Variants in GIT2 observed in about 807,000 individuals in gnomAD.
The protein encoded by GIT2 is ARF GTPase-activating protein GIT2.
GIT2 carries 32 observed loss-of-function variants against 100.3 expected under a neutral mutation model. The observed-to-expected ratio is 0.32, with a 90% confidence interval of 0.24 to 0.43. The LOEUF is 0.43. Among genes scored for constraint, GIT2 ranks in the 20% least tolerant of loss-of-function variants. The pLI is 1.00. For synonymous variants in GIT2, 353 were observed against 364.1 expected, an observed-to-expected ratio of 0.97 and a Z score of 0.35; for missense variants, 737 against 975.1, an observed-to-expected ratio of 0.76 and a Z score of 3.25.
At chr12:109,981,847 AAAGT>A (rs1241018058) in intron 6 of GIT2, 1 of 152,322 alleles carries the variant, frequency 6.6e-6, no homozygotes, top group African/African-American at 2.4e-5. Context: ...TTTGTCCTTA[AAAGT>A]AATGGCAAAA....
At position 109,983,432 on chromosome 12, in the gene GIT2, T is replaced by C. The variant is rs1387489006; in HGVS notation, c.564A>G (p.Val188=). 6.2e-7 allele frequency: 1 copy of C among 1,613,502 alleles called. No homozygotes were observed. The highest frequency in any genetic ancestry group is 1.1e-5 in the South Asian group (1 of 91,078). Residue 188 remains valine (V), a synonymous_variant, in exon 6 of 20, where the codon GTA becomes GTG. Coordinates refer to ENST00000355312, the MANE Select transcript of GIT2 (RefSeq NM_057169.5). ...CCTGTGTGCCTGGGTCTGCTCCATA[T>C]ACTGCCAATAATTCAGCCTGTAAAA... ...GQILQAELLA[V]YGADPGTQDS...
At chr12:109,986,020 GAGAC>G in intron 4 of GIT2, among the ~76,000 whole-genome samples, 1 of 151,264 alleles carries the variant, frequency 6.6e-6, no homozygotes, top group Non-Finnish European at 1.5e-5. Context: ...GCAACAGAGT[GAGAC>G]TCTGTCGTTT....
intron 1 of GIT2, among the ~76,000 whole-genome samples, chr12:109,993,358 A>AT: frequency 6.6e-6 from 1 of 152,350 alleles, no homozygotes; most frequent in Middle Eastern, 3.4e-3. Flanking sequence ...CATGTACACC[A>AT]TCTTTACCAT....
chr12:109,974,439 T>C (rs1415513174), intron 7 of GIT2, among the ~76,000 whole-genome samples: 1 of 152,004 alleles, frequency 6.6e-6, no homozygotes, highest in Non-Finnish European at 1.5e-5. Context: ...GACAGGAGAA[T>C]TGCTTGAACC....
At chr12:109,999,091 A>C (rs1295690636), upstream of GIT2, 2 of 152,260 alleles carry the variant, frequency 1.3e-5, no homozygotes, top group African/African-American at 4.8e-5. The surrounding 1 kb of genome is among the most constrained non-coding windows in gnomAD (Gnocchi z 4.3). Context: ...AAAGGCTGCA[A>C]GGGTGTCGGC....
chr12:109,964,019 G>A (rs1004349530), intron 9 of GIT2, among the ~76,000 whole-genome samples: 2 of 152,148 alleles, frequency 1.3e-5, no homozygotes, highest in East Asian at 1.9e-4. Flanking sequence ...TGCCTGCCAC[G>A]TGCTAGAGAT....
chr12:109,967,335 T>C, intron 8 of GIT2, 123 bp downstream of exon 8: 1 of 1,598,554 alleles, frequency 6.3e-7, no homozygotes, highest in Non-Finnish European at 8.5e-7. Flanking sequence ...TTCCAAATGG[T>C]ATAGCCATAA....
At chr12:109,954,643 A>C (rs2136309616) in intron 12 of GIT2, 1 of 152,340 alleles carries the variant, frequency 6.6e-6, no homozygotes, top group African/African-American at 2.4e-5. Context: ...TCACATCCGT[A>C]ATCCCAGCAC....
intron 7 of GIT2, among the ~76,000 whole-genome samples, chr12:109,980,086 G>C (rs1181685714): frequency 6.6e-6 from 1 of 152,082 alleles, no homozygotes; most frequent in Non-Finnish European, 1.5e-5. Flanking sequence ...ATTTTTTAGA[G>C]AGTTGGGGGT....
At chr12:109,986,790 C>CAAAA (rs1322188469) in intron 4 of GIT2, among the ~76,000 whole-genome samples, 17 of 146,134 alleles carry the variant, frequency 1.2e-4, no homozygotes, top group African/African-American at 3.1e-4. Context: ...AACAAACAAA[C>CAAAA]AAAAAAAAAC....
At position 109,959,910 on chromosome 12, in the gene GIT2, C is replaced by A. The variant is rs756385097; in HGVS notation, c.1036G>T (p.Val346Phe). ...TTGGCGTCACTGAGAATGTCAATGA[C>A]CAGCGTGGCAAACTCATGGGCGTTG... is the stretch of plus-strand genomic sequence containing the variant. ...RFNAHEFATL[V>F]IDILSDAKRR... is the part of the protein sequence containing the mutation. The change falls in exon 12 of 20, where the codon GTC becomes TTC. Residue 346 changes from valine to phenylalanine, a missense_variant. Physicochemically the swap from Val to Phe is conservative, Grantham distance 50 (BLOSUM62 -1). Transcript: ENST00000355312. 1 of 1,613,954 alleles carries A rather than the reference C, an allele frequency of 6.2e-7. No homozygotes were observed. Among genetic ancestry groups the A allele is most frequent in the Non-Finnish European group, 8.5e-7 (1 of 1,179,868 alleles).
chr12:109,951,394 T>C, intron 13 of GIT2, 78 bp from the exon 14 acceptor site: 2 of 1,240,164 alleles, frequency 1.6e-6, no homozygotes, highest in Non-Finnish European at 2.3e-6. Context: ...AATTTCAAAT[T>C]CTGACCAAGC....
At chr12:109,981,163 TCATCAAC>T in intron 6 of GIT2, 117 bp from the exon 7 acceptor site, 1 of 716,422 alleles carries the variant, frequency 1.4e-6, no homozygotes, top group Non-Finnish European at 2.5e-6. Flanking sequence ...CTTTTGAGAA[TCATCAAC>T]CTTCTTGTGG....
At chr12:109,991,218 G>C (rs879488635) in intron 2 of GIT2, among the ~76,000 whole-genome samples, 3 of 151,630 alleles carry the variant, frequency 2.0e-5, no homozygotes, top group Admixed American at 2.0e-4. Context: ...GCTGAGGCAG[G>C]AGAATTGCTT....
rs188536339 is a variant in GIT2 at position 109,930,913 on chromosome 12, G to A, written c.*2065C>T. Reference sequence around the variant, plus strand: ...CTATCAGATGGCGCCTGAACTTAAGGTGGGAGGCCCCCTTCTAGAAGGCAT... The same window carrying A: ...CTATCAGATGGCGCCTGAACTTAAGATGGGAGGCCCCCTTCTAGAAGGCAT... On this transcript the variant is annotated 3_prime_UTR_variant, in exon 20 of 20. Transcript: ENST00000355312. 1 of 152,332 alleles carries A rather than the reference G, an allele frequency of 6.6e-6. No individual in the cohort carries two copies. The highest frequency in any genetic ancestry group is 1.9e-4 in the East Asian group (1 of 5,174). The allele number at this position is 152,332 out of a possible 1,614,324, so 9.4% of individuals were successfully genotyped here. A position where few individuals can be genotyped will look rare whatever the true frequency, so the allele number is the denominator to read the frequency against.
At chr12:109,983,811 G>T in intron 4 of GIT2, 117 bp from the exon 5 acceptor site, 1 of 669,302 alleles carries the variant, frequency 1.5e-6, no homozygotes, top group Non-Finnish European at 2.6e-6. Context: ...ATCTTTATTT[G>T]TCTCGGTAAA....
At chr12:109,999,867 GC>G, upstream of GIT2, 1 of 1,276,776 alleles carries the variant, frequency 7.8e-7, no homozygotes. This position sits in a 1 kb window ranked among gnomAD's most constrained non-coding sequence, Gnocchi z 4.3. Context: ...CCCATTTCCA[GC>G]CCTCTGTCCC....
intron 16 of GIT2, chr12:109,940,541 T>C (rs930719111): frequency 6.6e-6 from 1 of 152,254 alleles, no homozygotes; most frequent in African/African-American, 2.4e-5. Context: ...GGAAACCCTG[T>C]AGCTTCATCC....
At chr12:109,995,312 CTGG>C (rs1258920147) in intron 1 of GIT2, among the ~76,000 whole-genome samples, 6 of 152,102 alleles carry the variant, frequency 3.9e-5, no homozygotes, top group African/African-American at 1.4e-4. Context: ...CCCTATATTG[CTGG>C]TGATTTTGCG....
Sources: gnomAD v4.1 joint callset for allele counts (sites outside exome capture counted in the v4.1 genomes callset) on GRCh38, gnomAD v4.1.1 for gene constraint, Gnocchi (gnomAD v3.1) non-coding constraint, MANE v1.5 for transcripts, NCBI Gene and HGNC (gene_info 2026-07-23, HGNC 2026-07-21) for gene names.